AQP11: variants seen among roughly 807,000 people sequenced by gnomAD.
The protein encoded by AQP11 is aquaporin 11.
AQP11 carries 20 observed loss-of-function variants against 21.1 expected under a neutral mutation model. The ratio of observed to expected loss-of-function variants is 0.95; its 90% CI spans 0.67 to 1.38. The LOEUF (loss-of-function observed/expected upper bound fraction) is 1.38, where lower values mean the gene tolerates loss of function less well. AQP11 is among the 40% of genes most tolerant of loss of function. AQP11 has a pLI of 0.00. For missense variants in AQP11, 339 were observed against 340.4 expected (o/e 1.00, Z 0.03); for synonymous variants, 167 against 150.1 (o/e 1.11, Z -0.82).
At chr11:77,591,323 G>A in intron 1 of AQP11, 1 of 984,372 alleles carries the variant, frequency 1.0e-6, no homozygotes. Context: ...CAGATGCAGT[G>A]GGCAATCTAG....
In AQP11 at chr11:77,603,647, A is replaced by G. The variant is rs779112979; in HGVS notation, c.711A>G (p.Ile237Met). The change falls in exon 2 of 3, where the codon ATA becomes ATG. Residue 237 changes from isoleucine to methionine, a missense_variant. Transcript: ENST00000313578. The stretch of plus-strand genomic sequence containing the variant: ...ATGAAGCATTCCCTCAGTTTTTTAT[A>G]GTATACTGGCTGGCTCCTTCTTTAG... Reference protein sequence around the residue: ...CFDEAFPQFFIVYWLAPSLGI... With the variant: ...CFDEAFPQFFMVYWLAPSLGI... 1 of 1,606,932 alleles carries G rather than the reference A, an allele frequency of 6.2e-7. No homozygotes were observed. Among genetic ancestry groups the G allele is most frequent in the South Asian group, 1.1e-5 (1 of 88,956 alleles).
chr11:77,596,159 G>T (rs1227412625), intron 1 of AQP11, among the ~76,000 whole-genome samples: 1 of 152,038 alleles, frequency 6.6e-6, no homozygotes, highest in Non-Finnish European at 1.5e-5. Flanking sequence ...AGGAGTTCAA[G>T]ACCAGCCTGT....
chr11:77,591,417 A>T (rs2135742652), intron 1 of AQP11: 1 of 682,322 alleles, frequency 1.5e-6, no homozygotes, highest in Admixed American at 6.3e-5. Context: ...GAATATCTTT[A>T]TTGGGACTAC....
Position 77,596,537 on chromosome 11 carries a change from A to AATATATATGTAAATATATAT in AQP11, c.619+5934_619+5935insGTAAATATATATATATATAT, listed in dbSNP as rs1958783041. ...AAATATATATGTAAATATATATGTA[A>AATATATATGTAAATATATAT]ATATATATATATATATATATATATA... On this transcript the variant is annotated intron_variant, in intron 1 of 2. Coordinates refer to ENST00000313578, the MANE Select transcript of AQP11 (RefSeq NM_173039.3). Among the ~76,000 whole-genome samples, 4 of 86,576 alleles carry AATATATATGTAAATATATAT rather than the reference A, an allele frequency of 4.6e-5. No individual in the cohort carries two copies. The East Asian group carries it at 1.1e-3, about 25-fold the overall frequency. 56.8% of individuals were successfully genotyped at this position (86,576 alleles called of 152,430 possible).
At position 77,600,885 on chromosome 11, in the gene AQP11, G is replaced by A. The variant is rs543799681; in HGVS notation, c.620-2671G>A. On this transcript the variant is annotated intron_variant, in intron 1 of 2. Coordinates refer to ENST00000313578, the MANE Select transcript of AQP11 (RefSeq NM_173039.3). ...AAATTAGCCGGGCGTGGTGGCGGGC[G>A]CCTGTAGTCCCAGCTACTCGGGAGG... Among the ~76,000 whole-genome samples the A allele has an allele frequency of 2.2e-3, 331 of 152,138 alleles. 3 individuals carry two copies. The highest frequency in any genetic ancestry group is 0.014 in the South Asian group (66 of 4,816).
rs1288219575 is a variant in AQP11 at position 77,610,279 on chromosome 11, A to C, written c.*902A>C. The C allele has an allele frequency of 1.3e-5, 2 of 152,234 alleles. No individual in the cohort carries two copies. Among genetic ancestry groups the C allele is most frequent in the Non-Finnish European group, 2.9e-5 (2 of 68,040 alleles). The allele number at this position is 152,234 out of a possible 1,614,324, so 9.4% of individuals were successfully genotyped here. ...AATCAAGGGTTCATAGAAACATTAA[A>C]TACTTTATAATAACGTTAAAACTTG... On this transcript the variant is annotated 3_prime_UTR_variant, in exon 3 of 3. Coordinates refer to ENST00000313578, the MANE Select transcript of AQP11 (RefSeq NM_173039.3).
At chr11:77,605,676 C>A (rs66504136) in intron 2 of AQP11, among the ~76,000 whole-genome samples, 25,293 of 152,094 alleles carry the variant, frequency 0.17, 2,559 homozygotes, top group African/African-American at 0.26. Context: ...GAAAAACTGT[C>A]TTCCAGGAAA....
In AQP11 at chr11:77,603,706, T is replaced by A. The variant is rs765120552; in HGVS notation, c.736+34T>A. ...ATTTTTATTTAATATGTCTGAAAGA[T>A]TAGGGTATTTTAAAATATGATATGT... On this transcript the variant is annotated intron_variant, in intron 2 of 2. Transcript: ENST00000313578. 24 of 1,442,742 alleles carry A rather than the reference T, an allele frequency of 1.7e-5. No homozygotes were observed. In the South Asian group the frequency reaches 3.1e-4, roughly 19 times the overall value. The allele number at this position is 1,442,742 out of a possible 1,614,324, so 89.4% of individuals were successfully genotyped here. A position where few individuals can be genotyped will look rare whatever the true frequency, so the allele number is the denominator to read the frequency against.
At chr11:77,591,403 A>G in intron 1 of AQP11, 1 of 781,192 alleles carries the variant, frequency 1.3e-6, no homozygotes, top group Non-Finnish European at 1.6e-6. Context: ...AAATGATTAC[A>G]ACAGAATATC....
chr11:77,603,555 G>A lies in AQP11; in HGVS notation c.620-1G>A, dbSNP rs1423839765. ...ATCACTCTGCTTAAAATCTGTTACA[G>A]GAGGAAGTCTAACAGGAGCTGTATT... On this transcript the variant is annotated splice_acceptor_variant, in intron 1 of 2. Transcript: ENST00000313578. LOFTEE classifies it high-confidence loss of function. The A allele has an allele frequency of 3.2e-6, 5 of 1,572,706 alleles. No homozygotes were observed. The African/African-American group carries it at 5.5e-5, about 17-fold the overall frequency.
At chr11:77,592,830 T>G (rs1590781522) in intron 1 of AQP11, among the ~76,000 whole-genome samples, 1 of 147,708 alleles carries the variant, frequency 6.8e-6, no homozygotes, top group East Asian at 2.0e-4. Context: ...ACTAGAGCAG[T>G]GTTTCTCTCT....
intron 2 of AQP11, among the ~76,000 whole-genome samples, chr11:77,607,590 A>G (rs142260460): frequency 7.6e-4 from 115 of 152,240 alleles, no homozygotes; most frequent in Non-Finnish European, 1.4e-3. Context: ...AAAAATTTAG[A>G]AATGTGACTA....
chr11:77,599,918 A>G (rs1024198822), intron 1 of AQP11, among the ~76,000 whole-genome samples: 4 of 151,850 alleles, frequency 2.6e-5, no homozygotes, highest in Non-Finnish European at 5.9e-5. Flanking sequence ...TACTATACAT[A>G]TAGATAAAAC....
rs1471977071 is a variant in AQP11 at position 77,594,842 on chromosome 11, TTA to T, written c.619+4233_619+4234del. The stretch of plus-strand genomic sequence containing the variant: ...ATTTTGATGGCACATGGAGCCCCAG[TTA>T]TGTCATTGCCATTTATCGTGTATTA... On this transcript the variant is annotated intron_variant, in intron 1 of 2. Coordinates refer to ENST00000313578, the MANE Select transcript of AQP11 (RefSeq NM_173039.3). Among the ~76,000 whole-genome samples, 5 of 152,232 alleles carry T rather than the reference TTA, an allele frequency of 3.3e-5. No homozygotes were observed. In the East Asian group the frequency reaches 9.6e-4, roughly 29 times the overall value.
intron 1 of AQP11, among the ~76,000 whole-genome samples, chr11:77,595,952 CA>C (rs200559957): frequency 1.4e-4 from 19 of 140,476 alleles, no homozygotes; most frequent in Admixed American, 1.4e-4. Flanking sequence ...GACTCAGTGT[CA>C]AAAAAAAAAG....
intron 2 of AQP11, among the ~76,000 whole-genome samples, chr11:77,606,514 CT>C (rs1958847634): frequency 6.6e-6 from 1 of 152,100 alleles, no homozygotes; most frequent in South Asian, 2.1e-4. Flanking sequence ...AACATTCCCC[CT>C]AACCCCGCCA....
At chr11:77,595,295 C>T (rs895573104) in intron 1 of AQP11, among the ~76,000 whole-genome samples, 32 of 151,984 alleles carry the variant, frequency 2.1e-4, no homozygotes, top group African/African-American at 7.5e-4. Flanking sequence ...GAGCTGAGGT[C>T]GTGCCATTGC....
intron 1 of AQP11, among the ~76,000 whole-genome samples, chr11:77,599,569 G>A (rs934882015): frequency 5.5e-4 from 79 of 143,430 alleles, no homozygotes; most frequent in African/African-American, 2.0e-3. Context: ...TAGGCGTGAG[G>A]CACCATGCCC....
chr11:77,609,725 T>G lies in AQP11; in HGVS notation c.*348T>G, dbSNP rs1958866695. 1 of 164,664 alleles carries G rather than the reference T, an allele frequency of 6.1e-6. No individual in the cohort carries two copies. The highest frequency in any genetic ancestry group is 1.3e-5 in the Non-Finnish European group (1 of 76,196). 10.2% of individuals were successfully genotyped at this position (164,664 alleles called of 1,614,324 possible). ...AAAGGTGATAGTAAGATCAACGAATTTGTGTATCAAGTGTCACCCAAATGA... is the reference window on the plus strand; with the variant it reads ...AAAGGTGATAGTAAGATCAACGAATGTGTGTATCAAGTGTCACCCAAATGA... On this transcript the variant is annotated 3_prime_UTR_variant, in exon 3 of 3. Coordinates refer to ENST00000313578, the MANE Select transcript of AQP11 (RefSeq NM_173039.3).
Sources: allele counts gnomAD v4.1 joint callset (sites outside exome capture counted in the v4.1 genomes callset), GRCh38; gene constraint gnomAD v4.1.1; transcripts MANE v1.5; gene names NCBI Gene and HGNC (gene_info 2026-07-23, HGNC 2026-07-21).